Variants in GRIA4 observed in about 807,000 individuals in gnomAD.
GRIA4 encodes the protein glutamate ionotropic receptor AMPA type subunit 4.
Under a neutral mutation model 104.0 loss-of-function variants are expected in GRIA4, and 34 were observed. That is an observed-to-expected ratio of 0.33 (90% CI 0.25 to 0.44). The LOEUF is 0.44. Among genes scored for constraint, GRIA4 ranks in the 20% least tolerant of loss-of-function variants. The pLI is 1.00. For synonymous variants in GRIA4, 386 were observed against 381.9 expected, an observed-to-expected ratio of 1.01 and a Z score of -0.13; for missense variants, 750 against 1,096.5, an observed-to-expected ratio of 0.68 and a Z score of 4.46.
intron 3 of GRIA4, among the ~76,000 whole-genome samples, chr11:105,637,613 A>G (rs1951241545): frequency 6.6e-6 from 1 of 152,206 alleles, no homozygotes; most frequent in African/African-American, 2.4e-5. Flanking sequence ...GATAGTTAAC[A>G]TGTAGACTAG....
At chr11:105,829,831 G>T (rs1252856777) in intron 4 of GRIA4, among the ~76,000 whole-genome samples, 1 of 151,874 alleles carries the variant, frequency 6.6e-6, no homozygotes, top group Non-Finnish European at 1.5e-5. Flanking sequence ...CTCAAGGAAA[G>T]ACAGGCATAG....
intron 4 of GRIA4, among the ~76,000 whole-genome samples, chr11:105,838,057 A>G (rs1311363131): frequency 6.6e-6 from 1 of 151,916 alleles, no homozygotes; most frequent in African/African-American, 2.4e-5. Flanking sequence ...GATCATTAAA[A>G]TAAAACTGAT....
At chr11:105,763,951 A>G (rs1591214059) in intron 4 of GRIA4, among the ~76,000 whole-genome samples, 1 of 152,196 alleles carries the variant, frequency 6.6e-6, no homozygotes, top group Non-Finnish European at 1.5e-5. Context: ...CTCACTTTAA[A>G]AAGATTTGAA....
rs140408166 is a variant in GRIA4, at chr11:105,796,609, G to A, written c.487+43389G>A. Among the ~76,000 whole-genome samples, 48 of 152,264 alleles carry A rather than the reference G, an allele frequency of 3.2e-4. 1 individual carries two copies. The East Asian group carries it at 3.9e-3, about 12-fold the overall frequency. ...TCCTGTGAGGTGCAAAAGAAAACAA[G>A]TAGACCATAGGTAGTGAGTAGTTAT... is the stretch of plus-strand genomic sequence containing the variant. On this transcript the variant is annotated intron_variant, in intron 4 of 16. Transcript: ENST00000282499.
chr11:105,794,603 C>CAT (rs201689049), intron 4 of GRIA4, among the ~76,000 whole-genome samples: 121 of 132,106 alleles, frequency 9.2e-4, no homozygotes, highest in Admixed American at 2.6e-3. Context: ...AAGATATATA[C>CAT]ATATATATAT....
chr11:105,614,939 A>G (rs953745062), intron 3 of GRIA4, among the ~76,000 whole-genome samples: 3 of 152,010 alleles, frequency 2.0e-5, no homozygotes, highest in Admixed American at 2.0e-4. Context: ...CAAAAGGGTA[A>G]AAATAGGTCT....
intron 3 of GRIA4, among the ~76,000 whole-genome samples, chr11:105,636,446 C>T (rs1160206864): frequency 6.6e-6 from 1 of 152,164 alleles, no homozygotes; most frequent in South Asian, 2.1e-4. Flanking sequence ...CCTTTACTTT[C>T]CTTACCCTAC....
At chr11:105,849,411 C>T (rs1381395169) in intron 4 of GRIA4, among the ~76,000 whole-genome samples, 1 of 152,124 alleles carries the variant, frequency 6.6e-6, no homozygotes, top group Non-Finnish European at 1.5e-5. Context: ...GAAGGAGACA[C>T]CTAGTGTAAC....
At chr11:105,890,474 A>C (rs1946415762) in intron 6 of GRIA4, among the ~76,000 whole-genome samples, 1 of 152,182 alleles carries the variant, frequency 6.6e-6, no homozygotes, top group South Asian at 2.1e-4. Flanking sequence ...GCATTATTTT[A>C]AATTGTCTTG....
intron 5 of GRIA4, among the ~76,000 whole-genome samples, chr11:105,874,494 T>C (rs1591380015): frequency 6.6e-6 from 1 of 152,204 alleles, no homozygotes; most frequent in Non-Finnish European, 1.5e-5. Context: ...ATTGAATCTA[T>C]AAATTACATT....
chr11:105,943,544 C>A lies in GRIA4; in HGVS notation c.2294+9575C>A, dbSNP rs548212472. On this transcript the variant is annotated intron_variant, in intron 14 of 16. Coordinates refer to ENST00000282499, the MANE Select transcript of GRIA4 (RefSeq NM_000829.4). Reference sequence around the variant, plus strand: ...TTGAGAAGGTGATTACTAAGGGCATCGTAACAACCTTAACAACTTCAGCAC... The same window carrying A: ...TTGAGAAGGTGATTACTAAGGGCATAGTAACAACCTTAACAACTTCAGCAC... Among the ~76,000 whole-genome samples, 9 of 152,094 alleles carry A rather than the reference C, an allele frequency of 5.9e-5. 1 individual carries two copies. In the East Asian group the frequency reaches 1.5e-3, roughly 26 times the overall value.
At chr11:105,649,836 T>A (rs1443161013) in intron 3 of GRIA4, among the ~76,000 whole-genome samples, 1 of 152,092 alleles carries the variant, frequency 6.6e-6, no homozygotes, top group Admixed American at 6.6e-5. Context: ...TTATTTTTAA[T>A]ATTGTAAATT....
intron 3 of GRIA4, among the ~76,000 whole-genome samples, chr11:105,619,388 T>C (rs1446577267): frequency 2.6e-5 from 4 of 151,986 alleles, no homozygotes; most frequent in African/African-American, 7.2e-5. Flanking sequence ...TTCTGTGTCA[T>C]ATGGAAATTG....
rs532309562 is a variant in GRIA4 at position 105,827,067 on chromosome 11, C to T, written c.488-34957C>T. Among the ~76,000 whole-genome samples the T allele has an allele frequency of 2.6e-5, 4 of 152,098 alleles. No individual in the cohort carries two copies. In the South Asian group the frequency reaches 8.3e-4, roughly 32 times the overall value. On this transcript the variant is annotated intron_variant, in intron 4 of 16. Coordinates refer to ENST00000282499, the MANE Select transcript of GRIA4 (RefSeq NM_000829.4). ...ATCCTTCCTCATCCAGAAAGTCCTA[C>T]CACTCACTGTTCCAGGTGCATTGCC...
At chr11:105,853,227 TTC>T (rs1194450814) in intron 4 of GRIA4, among the ~76,000 whole-genome samples, 3 of 152,166 alleles carry the variant, frequency 2.0e-5, no homozygotes, top group Non-Finnish European at 4.4e-5. Flanking sequence ...CCAAAAATAT[TTC>T]TGTTTTTATC....
intron 4 of GRIA4, among the ~76,000 whole-genome samples, chr11:105,784,856 C>T (rs926398667): frequency 3.3e-5 from 5 of 152,146 alleles, no homozygotes; most frequent in Non-Finnish European, 7.3e-5. Flanking sequence ...AGGTCAACAT[C>T]ACTTATTGGA....
At chr11:105,786,262 C>T (rs1259096917) in intron 4 of GRIA4, among the ~76,000 whole-genome samples, 1 of 151,870 alleles carries the variant, frequency 6.6e-6, no homozygotes, top group South Asian at 2.1e-4. Context: ...ATCACATTAC[C>T]GAGTTGAATC....
intron 4 of GRIA4, among the ~76,000 whole-genome samples, chr11:105,790,370 A>G (rs1209832687): frequency 2.0e-5 from 3 of 152,218 alleles, no homozygotes; most frequent in South Asian, 2.1e-4. Context: ...GCTTTGTCTG[A>G]AAACTCTCTT....
At chr11:105,820,479 A>G (rs1017746013) in intron 4 of GRIA4, among the ~76,000 whole-genome samples, 1 of 152,040 alleles carries the variant, frequency 6.6e-6, no homozygotes, top group Non-Finnish European at 1.5e-5. Flanking sequence ...CGGCTCCCCC[A>G]TGCCAGGCAT....
Sources: allele counts gnomAD v4.1 joint callset (sites outside exome capture counted in the v4.1 genomes callset), GRCh38; gene constraint gnomAD v4.1.1; transcripts MANE v1.5; gene names NCBI Gene and HGNC (gene_info 2026-07-23, HGNC 2026-07-21).